Variants in TCHP observed in about 807,000 individuals in gnomAD.
TCHP encodes the protein trichoplein keratin filament-binding protein.
Under a neutral mutation model 88.7 loss-of-function variants are expected in TCHP, and 81 were observed. The ratio of observed to expected loss-of-function variants is 0.91; its 90% CI spans 0.76 to 1.10. TCHP has a LOEUF of 1.10. Ranked by LOEUF, TCHP falls within the 50% of genes least tolerant of loss-of-function variation. TCHP has a pLI of 0.00. For missense variants in TCHP, 641 were observed against 632.1 expected (o/e 1.01, Z -0.15); for synonymous variants, 232 against 232.5 (o/e 1.00, Z 0.02).
chr12:109,914,354 G>A (rs1305850264), intron 10 of TCHP, 88 bp from the exon 11 acceptor site: 2 of 1,257,800 alleles, frequency 1.6e-6, no homozygotes, highest in African/African-American at 3.0e-5. Flanking sequence ...GCTGGGCCTT[G>A]CTGTGGCTGC....
At chr12:109,908,486 G>A (rs992241813) in intron 6 of TCHP, 100 bp from the exon 7 acceptor site, 14 of 967,586 alleles carry the variant, frequency 1.4e-5, no homozygotes, top group African/African-American at 3.2e-5. Flanking sequence ...CCAGGCCTCT[G>A]TTGGTGTAGT....
In TCHP at chr12:109,906,423, C is replaced by T. The variant is rs58811337; in HGVS notation, c.457-149C>T. Reference sequence around the variant, plus strand: ...CTATACATGTTGAAGTCACCCCACGCTCTCTACTAGACGCCTGTGCCACTG... The same window carrying T: ...CTATACATGTTGAAGTCACCCCACGTTCTCTACTAGACGCCTGTGCCACTG... On this transcript the variant is annotated intron_variant, in intron 4 of 12. Transcript: ENST00000405876. The T allele has an allele frequency of 9.9e-4, 624 of 629,518 alleles. 1 individual carries two copies. In the African/African-American group the frequency reaches 0.01, roughly 10 times the overall value. The allele number at this position is 629,518 out of a possible 1,614,324, so 39.0% of individuals were successfully genotyped here. A position where few individuals can be genotyped will look rare whatever the true frequency, so the allele number is the denominator to read the frequency against.
upstream of TCHP, among the ~76,000 whole-genome samples, chr12:109,899,044 C>T (rs1428248359): frequency 1.3e-5 from 2 of 152,156 alleles, no homozygotes; most frequent in Non-Finnish European, 2.9e-5. Context: ...GTCTTCAACT[C>T]CTGACCTCAG....
In TCHP at chr12:109,914,583, A is replaced by G. The variant is rs1870691508; in HGVS notation, c.1276A>G (p.Ser426Gly). Reference protein sequence around the residue: ...RELARREKEESEKLKSARKQE... With the variant: ...RELARREKEEGEKLKSARKQE... ...GTTGGCTCGTCGCGAGAAAGAGGAG[A>G]GTGAAAAGCTGAAATCGGCCAGGAA... The change falls in exon 11 of 13, where the codon AGT becomes GGT. Residue 426 changes from serine (S) to glycine (G), a missense_variant. By Grantham distance (56) the Ser-to-Gly change is moderately conservative (BLOSUM62 0). Coordinates refer to ENST00000405876, the MANE Select transcript of TCHP (RefSeq NM_001143852.2). The G allele has an allele frequency of 2.5e-6, 4 of 1,613,170 alleles. No individual in the cohort carries two copies. In the South Asian group the frequency reaches 3.3e-5, roughly 13 times the overall value.
chr12:109,910,484 G>C (rs1275260658), intron 8 of TCHP, among the ~76,000 whole-genome samples: 2 of 152,078 alleles, frequency 1.3e-5, no homozygotes, highest in Non-Finnish European at 2.9e-5. Context: ...GCTTTGTAGA[G>C]ATGGGGTCTT....
chr12:109,903,737 T>C lies in TCHP; in HGVS notation c.189-200T>C, dbSNP rs1210776872. Among the ~76,000 whole-genome samples the C allele has an allele frequency of 2.6e-5, 4 of 152,196 alleles. No homozygotes were observed. The highest frequency in any genetic ancestry group is 9.6e-5 in the African/African-American group (4 of 41,452). ...GATAATATATACATTATTTATACAT[T>C]TATACATTTTCTTTTTGCAAAAAAC... On this transcript the variant is annotated intron_variant, in intron 2 of 12. Transcript: ENST00000405876. The surrounding 1 kb of genome is among the most constrained non-coding windows in gnomAD (Gnocchi z 4.6).
upstream of TCHP, among the ~76,000 whole-genome samples, chr12:109,895,826 C>G (rs1189191750): frequency 6.6e-6 from 1 of 152,194 alleles, no homozygotes; most frequent in Non-Finnish European, 1.5e-5. Context: ...AATCACAAGT[C>G]CTGGAGCAGC....
At chr12:109,883,199 A>ATTTTT in the TCHP span, among the ~76,000 whole-genome samples, 98 of 127,742 alleles carry the variant, frequency 7.7e-4, no homozygotes, top group South Asian at 3.4e-3. Flanking sequence ...ATGCTACCCT[A>ATTTTT]TTTTTTTTTT....
At chr12:109,888,490 G>A in the TCHP span, 3 of 152,092 alleles carry the variant, frequency 2.0e-5, no homozygotes, top group Admixed American at 1.3e-4. Flanking sequence ...GCAAAGTTTC[G>A]TCATTTTCCT....
In TCHP at chr12:109,907,655, G is replaced by A. The variant is rs377730872; in HGVS notation, c.655G>A (p.Ala219Thr). ...RQLEDKLQAEALLQQMEELKL... is the reference protein window; with the variant it reads ...RQLEDKLQAETLLQQMEELKL... ...GCTGGAGGACAAGCTCCAGGCCGAGGCACTGCTGCAACAGATGGAGGAGCT... is the reference window on the plus strand; with the variant it reads ...GCTGGAGGACAAGCTCCAGGCCGAGACACTGCTGCAACAGATGGAGGAGCT... Residue 219 changes from alanine to threonine, a missense_variant, in exon 6 of 13, where the codon GCA (alanine) becomes ACA (threonine). Coordinates refer to ENST00000405876, the MANE Select transcript of TCHP (RefSeq NM_001143852.2). 1 of 1,613,226 alleles carries A rather than the reference G, an allele frequency of 6.2e-7. No individual in the cohort carries two copies. The highest frequency in any genetic ancestry group is 8.5e-7 in the Non-Finnish European group (1 of 1,179,694).
chr12:109,888,873 A>AT, the TCHP span, among the ~76,000 whole-genome samples: 1 of 152,106 alleles, frequency 6.6e-6, no homozygotes, highest in African/African-American at 2.4e-5. Flanking sequence ...CTAGGGCAAA[A>AT]TCAAGGTGTT....
chr12:109,908,348 G>A (rs930146703), intron 6 of TCHP, among the ~76,000 whole-genome samples: 2 of 152,216 alleles, frequency 1.3e-5, no homozygotes, highest in Non-Finnish European at 2.9e-5. Flanking sequence ...GTTACAGTAA[G>A]AGTGGACCAG....
chr12:109,886,187 G>C, the TCHP span, among the ~76,000 whole-genome samples: 1 of 152,080 alleles, frequency 6.6e-6, no homozygotes, highest in Admixed American at 6.6e-5. Context: ...GCCCAGGCTG[G>C]AGTGCAATGG....
the TCHP span, among the ~76,000 whole-genome samples, chr12:109,891,299 A>G: frequency 6.6e-6 from 1 of 152,096 alleles, no homozygotes; most frequent in Non-Finnish European, 1.5e-5. Flanking sequence ...TTTTATTGGT[A>G]CTTCTAATGC....
chr12:109,903,095 G>A lies in TCHP; in HGVS notation c.69G>A (p.Gln23=), dbSNP rs1869901327. 6.2e-7 allele frequency: 1 copy of A among 1,614,080 alleles called. No homozygotes were observed. The change falls in exon 2 of 13, where the codon CAG becomes CAA. Residue 23 remains glutamine (Q), a synonymous_variant. Coordinates refer to ENST00000405876, the MANE Select transcript of TCHP (RefSeq NM_001143852.2). The surrounding 1 kb of genome is among the most constrained non-coding windows in gnomAD (Gnocchi z 4.6). ...QQRLNQQLAR[Q]REQEARLRQQ... is the part of the protein sequence containing the mutation. ...GCCTGAATCAGCAGCTAGCACGACA[G>A]CGAGAGCAGGAGGCCCGGCTTCGGC...
rs1869706458 is a variant in TCHP at position 109,900,337 on chromosome 12, G to C, written c.-90G>C. 6.6e-6 allele frequency: 1 copy of C among 152,338 alleles called. No homozygotes were observed. Among genetic ancestry groups the C allele is most frequent in the African/African-American group, 2.4e-5 (1 of 41,588 alleles). The allele number at this position is 152,338 out of a possible 1,614,324, so 9.4% of individuals were successfully genotyped here. A position where few individuals can be genotyped will look rare whatever the true frequency, so the allele number is the denominator to read the frequency against. On this transcript the variant is annotated 5_prime_UTR_variant, in exon 1 of 13. Transcript: ENST00000405876. Reference sequence around the variant, plus strand: ...AGCCGGCGTTGCTGTAGCGCGTCTGGGAATTACACCGGGGGACTGGCCGGC... The same window carrying C: ...AGCCGGCGTTGCTGTAGCGCGTCTGCGAATTACACCGGGGGACTGGCCGGC...
At chr12:109,901,296 C>T (rs1275810776) in intron 1 of TCHP, among the ~76,000 whole-genome samples, 2 of 152,204 alleles carry the variant, frequency 1.3e-5, no homozygotes, top group Non-Finnish European at 2.9e-5. Flanking sequence ...TTTTACTAAC[C>T]TTGTTTTTTA....
Position 109,911,160 on chromosome 12 carries a change from C to T in TCHP, c.977C>T (p.Ala326Val). 2 of 1,595,716 alleles carry T rather than the reference C, an allele frequency of 1.3e-6. No homozygotes were observed. The highest frequency in any genetic ancestry group is 1.7e-6 in the Non-Finnish European group (2 of 1,173,430). The part of the protein sequence containing the change: ...ARREQVMADV[A>V]WMKQAIEEQL... Reference sequence around the variant, plus strand: ...CGGGAGCAGGTCATGGCCGATGTGGCCTGGATGAAGCAGGCCATTGAGGAG... The same window carrying T: ...CGGGAGCAGGTCATGGCCGATGTGGTCTGGATGAAGCAGGCCATTGAGGAG... The change falls in exon 9 of 13, where the codon GCC becomes GTC. Residue 326 changes from alanine (A) to valine (V), a missense_variant. Ala to Val is a moderately conservative substitution (Grantham distance 64). Transcript: ENST00000405876.
chr12:109,910,094 G>T (rs1181573598), intron 8 of TCHP, among the ~76,000 whole-genome samples: 2 of 151,874 alleles, frequency 1.3e-5, no homozygotes, highest in African/African-American at 2.4e-5. Flanking sequence ...AGCCGAGATT[G>T]CACCACTGCA....
Sources: allele counts gnomAD v4.1 joint callset (sites outside exome capture counted in the v4.1 genomes callset), GRCh38; gene constraint gnomAD v4.1.1; non-coding constraint Gnocchi (gnomAD v3.1); transcripts MANE v1.5; gene names NCBI Gene and HGNC (gene_info 2026-07-23, HGNC 2026-07-21).